MDGA2: variants seen among roughly 807,000 people sequenced by gnomAD.
MDGA2 encodes the protein MAM domain containing glycosylphosphatidylinositol anchor 2.
MDGA2 carries 40 observed loss-of-function variants against 117.8 expected under a neutral mutation model. The ratio of observed to expected loss-of-function variants is 0.34; its 90% CI spans 0.26 to 0.44. The LOEUF (loss-of-function observed/expected upper bound fraction) is 0.44. Among genes scored for constraint, MDGA2 ranks in the 20% least tolerant of loss-of-function variants. MDGA2 has a pLI of 1.00. For missense variants in MDGA2, 1,123 were observed against 1,250.6 expected, an observed-to-expected ratio of 0.90 and a Z score of 1.54; for synonymous variants, 452 against 439.0, an observed-to-expected ratio of 1.03 and a Z score of -0.37.
intron 8 of MDGA2, among the ~76,000 whole-genome samples, chr14:46,977,138 CAT>C (rs1303519383): frequency 2.6e-5 from 4 of 151,704 alleles, no homozygotes; most frequent in Non-Finnish European, 2.9e-5. Flanking sequence ...TTAGAGTACA[CAT>C]GACTATATGA....
chr14:47,374,828 AAACT>A (rs1348280914), intron 1 of MDGA2, among the ~76,000 whole-genome samples: 7 of 152,096 alleles, frequency 4.6e-5, no homozygotes, highest in South Asian at 2.1e-4. Context: ...ATTTATAACC[AAACT>A]AACTTATTAG....
chr14:47,121,046 A>G (rs139458606), intron 5 of MDGA2, among the ~76,000 whole-genome samples: 34 of 152,272 alleles, frequency 2.2e-4, no homozygotes, highest in African/African-American at 7.9e-4. Context: ...AAGATTTAAC[A>G]AAAATGTATT....
chr14:47,347,001 G>T lies in MDGA2; in HGVS notation c.281-45451C>A, dbSNP rs537900253. Among the ~76,000 whole-genome samples, 9 of 152,248 alleles carry T rather than the reference G, an allele frequency of 5.9e-5. 1 individual carries two copies. The South Asian group carries it at 1.9e-3, about 32-fold the overall frequency. ...AGATGAGACTAATGGAAGGACAACT[G>T]GGACGGGGGAGTGCACCACAAACAC... On this transcript the variant is annotated intron_variant, in intron 1 of 16. Transcript: ENST00000399232.
intron 7 of MDGA2, among the ~76,000 whole-genome samples, chr14:47,046,918 T>C (rs1889285744): frequency 6.6e-6 from 1 of 152,122 alleles, no homozygotes. Flanking sequence ...TCCTTTAAAT[T>C]AATAGCAACT....
At chr14:47,621,979 A>G (rs997560238) in intron 1 of MDGA2, among the ~76,000 whole-genome samples, 3 of 152,244 alleles carry the variant, frequency 2.0e-5, no homozygotes, top group Admixed American at 6.5e-5. Flanking sequence ...TGATGATTAA[A>G]TGAGATAATG....
intron 1 of MDGA2, among the ~76,000 whole-genome samples, chr14:47,657,538 C>T (rs1180770814): frequency 6.6e-6 from 1 of 152,150 alleles, no homozygotes; most frequent in East Asian, 1.9e-4. Context: ...ACTAACTAGG[C>T]ATTTGGTAGA....
intron 2 of MDGA2, 114 bp downstream of exon 2, chr14:47,301,285 CCACACCCACCCA>C: frequency 2.2e-6 from 2 of 889,486 alleles, no homozygotes; most frequent in Non-Finnish European, 3.2e-6. Context: ...ACACACACAC[CCACACCCACCCA>C]CACACACACA....
At chr14:46,843,012 T>A (rs1414407338) in intron 16 of MDGA2, among the ~76,000 whole-genome samples, 1 of 152,214 alleles carries the variant, frequency 6.6e-6, no homozygotes, top group Non-Finnish European at 1.5e-5. Flanking sequence ...CCAAATAGAT[T>A]ATTTGTGTTC....
At chr14:47,065,940 T>C (rs1047410344) in intron 6 of MDGA2, among the ~76,000 whole-genome samples, 1 of 152,176 alleles carries the variant, frequency 6.6e-6, no homozygotes, top group Non-Finnish European at 1.5e-5. Context: ...GATCTGGATA[T>C]AGAAACCATT....
intron 1 of MDGA2, among the ~76,000 whole-genome samples, chr14:47,623,798 C>A (rs1249745481): frequency 2.0e-5 from 3 of 152,118 alleles, no homozygotes; most frequent in African/African-American, 7.2e-5. Flanking sequence ...AACTATTACC[C>A]CTTTGATGTG....
intron 6 of MDGA2, among the ~76,000 whole-genome samples, chr14:47,086,609 TAG>T (rs1312632001): frequency 2.0e-5 from 1 of 48,860 alleles, no homozygotes; most frequent in Non-Finnish European, 4.1e-5. Flanking sequence ...AAGTTAAACA[TAG>T]ATTTTTTTTT....
intron 16 of MDGA2, among the ~76,000 whole-genome samples, chr14:46,842,502 G>A (rs1392520662): frequency 6.6e-6 from 1 of 152,126 alleles, no homozygotes; most frequent in East Asian, 1.9e-4. Flanking sequence ...GATGATCCAT[G>A]TTTAGATCGG....
chr14:47,062,983 C>T (rs1310187307), intron 6 of MDGA2, among the ~76,000 whole-genome samples: 3 of 152,008 alleles, frequency 2.0e-5, no homozygotes, highest in Non-Finnish European at 4.4e-5. Context: ...GGCTCCTCCT[C>T]AAGACTAGCC....
chr14:47,053,030 G>A (rs1326758259), intron 7 of MDGA2, among the ~76,000 whole-genome samples: 1 of 151,864 alleles, frequency 6.6e-6, no homozygotes, highest in Non-Finnish European at 1.5e-5. Flanking sequence ...TATGGTTTCT[G>A]GGACAAATAC....
intron 1 of MDGA2, among the ~76,000 whole-genome samples, chr14:47,472,540 G>A (rs977078468): frequency 6.6e-6 from 1 of 152,198 alleles, no homozygotes; most frequent in Non-Finnish European, 1.5e-5. Flanking sequence ...AGCAGACCTT[G>A]TCTGCTTCCA....
rs1340766807 is a variant in MDGA2, at chr14:47,286,837, GTA to G, written c.420+14572_420+14573del. 1.4e-3 allele frequency among the ~76,000 whole-genome samples: 141 copies of G among 97,908 alleles called. 2 individuals carry two copies. The East Asian group carries it at 0.036, about 25-fold the overall frequency. 64.2% of individuals were successfully genotyped at this position (97,908 alleles called of 152,430 possible). A position where few individuals can be genotyped will look rare whatever the true frequency, so the allele number is the denominator to read the frequency against. On this transcript the variant is annotated intron_variant, in intron 2 of 16. Transcript: ENST00000399232. ...TATATATATATATACATATATATATGTATATATATATATACTTTACTATGATA... is the reference window on the plus strand; with the variant it reads ...TATATATATATATACATATATATATGTATATATATATACTTTACTATGATA...
chr14:47,316,050 G>A (rs1240609892), intron 1 of MDGA2, among the ~76,000 whole-genome samples: 1 of 152,056 alleles, frequency 6.6e-6, no homozygotes, highest in Non-Finnish European at 1.5e-5. Flanking sequence ...AGTTGGATTT[G>A]CTGAGTTGGA....
chr14:47,239,308 C>T (rs1026954434), intron 2 of MDGA2, among the ~76,000 whole-genome samples: 1 of 151,168 alleles, frequency 6.6e-6, no homozygotes, highest in African/African-American at 2.4e-5. Context: ...ACTAGTATCA[C>T]TGAGTTGAAA....
At chr14:47,405,461 A>G (rs1892241957) in intron 1 of MDGA2, among the ~76,000 whole-genome samples, 1 of 152,136 alleles carries the variant, frequency 6.6e-6, no homozygotes, top group Admixed American at 6.5e-5. Flanking sequence ...CTTTCTCAAC[A>G]TATCTTTTAT....
Sources: gnomAD v4.1 joint callset for allele counts (sites outside exome capture counted in the v4.1 genomes callset) on GRCh38, gnomAD v4.1.1 for gene constraint, MANE v1.5 for transcripts, NCBI Gene and HGNC (gene_info 2026-07-23, HGNC 2026-07-21) for gene names.